GPC5: variants seen among roughly 807,000 people sequenced by gnomAD.
GPC5 encodes the protein glypican 5.
In GPC5, 47 loss-of-function variants were observed where a neutral mutation model predicts 53.9. The ratio of observed to expected loss-of-function variants is 0.87; its 90% CI spans 0.69 to 1.11. The LOEUF (loss-of-function observed/expected upper bound fraction) is 1.11, where lower values mean the gene tolerates loss of function less well. GPC5 is among the 50% of genes most tolerant of loss of function. The probability of loss-of-function intolerance (pLI) is 0.00; values close to 1 mark genes in which losing one functional copy is unlikely to be tolerated. For synonymous variants in GPC5, 286 were observed against 263.3 expected (o/e 1.09, Z -0.84); for missense variants, 748 against 713.1 (o/e 1.05, Z -0.56).
In GPC5 at chr13:92,666,205, T is replaced by C. The variant is rs544116685; in HGVS notation, c.1562-200077T>C. Among the ~76,000 whole-genome samples, 84 of 152,318 alleles carry C rather than the reference T, an allele frequency of 5.5e-4. 1 individual carries two copies. The highest frequency in any genetic ancestry group is 1.9e-3 in the African/African-American group (80 of 41,582). On this transcript the variant is annotated intron_variant, in intron 7 of 7. Transcript: ENST00000377067. ...CAGGGATGGATTTTCTTTTGTGATA[T>C]TGAATATATTAACAATGGATTTTTT...
intron 7 of GPC5, among the ~76,000 whole-genome samples, chr13:92,196,305 G>A (rs978870012): frequency 1.3e-5 from 2 of 152,050 alleles, no homozygotes; most frequent in Admixed American, 6.5e-5. Context: ...TAATTAGACA[G>A]ATTATGTTTT....
At chr13:91,832,896 G>C (rs1258310153) in intron 5 of GPC5, among the ~76,000 whole-genome samples, 1 of 152,002 alleles carries the variant, frequency 6.6e-6, no homozygotes, top group African/African-American at 2.4e-5. Context: ...TAAGATCAGA[G>C]CAGAACTGAA....
intron 7 of GPC5, among the ~76,000 whole-genome samples, chr13:92,434,062 A>G (rs1566588795): frequency 6.6e-6 from 1 of 152,224 alleles, no homozygotes; most frequent in Non-Finnish European, 1.5e-5. Context: ...TAGCACCACT[A>G]TGCTGTAGTC....
chr13:92,144,153 G>A (rs1228597003), intron 6 of GPC5, among the ~76,000 whole-genome samples: 1 of 152,164 alleles, frequency 6.6e-6, no homozygotes, highest in Admixed American at 6.5e-5. Flanking sequence ...CTCCTGTGCT[G>A]TAGGGGAAAA....
chr13:92,223,604 G>C (rs779728569), intron 7 of GPC5, among the ~76,000 whole-genome samples: 3 of 151,966 alleles, frequency 2.0e-5, no homozygotes, highest in Non-Finnish European at 4.4e-5. Context: ...GATATAAAAA[G>C]ATGAAACCTC....
At chr13:92,296,389 A>G (rs1268098097) in intron 7 of GPC5, among the ~76,000 whole-genome samples, 1 of 152,090 alleles carries the variant, frequency 6.6e-6, no homozygotes, top group Non-Finnish European at 1.5e-5. Context: ...AGAGCTAAGC[A>G]TGTCTGAGCT....
At chr13:92,752,987 C>A (rs886219227) in intron 7 of GPC5, among the ~76,000 whole-genome samples, 19 of 152,290 alleles carry the variant, frequency 1.2e-4, no homozygotes, top group Non-Finnish European at 2.2e-4. Flanking sequence ...TGGAGCCCAC[C>A]ACAGCTCAGG....
rs1184525035 is a variant in GPC5 at position 91,398,705 on chromosome 13, A to AGCG, written c.-339_-337dup. The stretch of plus-strand genomic sequence containing the variant: ...TGGCGGCAGTGGCGGCAGTGGCGGC[A>AGCG]GCGGCAGCAGTTGCAGCAGTGGTGG... On this transcript the variant is annotated 5_prime_UTR_variant, in exon 1 of 8. Transcript: ENST00000377067. The AGCG allele has an allele frequency of 7.6e-5, 19 of 249,598 alleles. No individual in the cohort carries two copies. Among genetic ancestry groups the AGCG allele is most frequent in the African/African-American group, 4.3e-4 (19 of 44,400 alleles). The allele number at this position is 249,598 out of a possible 1,614,324, so 15.5% of individuals were successfully genotyped here. A position where few individuals can be genotyped will look rare whatever the true frequency, so the allele number is the denominator to read the frequency against.
intron 2 of GPC5, among the ~76,000 whole-genome samples, chr13:91,487,664 A>G (rs990927472): frequency 2.1e-4 from 32 of 152,296 alleles, no homozygotes; most frequent in African/African-American, 6.5e-4. Context: ...TTCATGGACT[A>G]GCTTATTTTT....
intron 1 of GPC5, among the ~76,000 whole-genome samples, chr13:91,433,923 G>A (rs1044509767): frequency 2.8e-4 from 43 of 152,108 alleles, no homozygotes; most frequent in African/African-American, 9.9e-4. Flanking sequence ...TCTCATTGTG[G>A]TTTTGATTTG....
intron 7 of GPC5, among the ~76,000 whole-genome samples, chr13:92,472,188 T>C (rs1193557106): frequency 1.3e-5 from 2 of 152,140 alleles, no homozygotes; most frequent in Non-Finnish European, 2.9e-5. Context: ...ACTCCTTCTG[T>C]ATTTATTTTA....
intron 7 of GPC5, among the ~76,000 whole-genome samples, chr13:92,752,539 G>T (rs937812697): frequency 6.6e-6 from 1 of 152,124 alleles, no homozygotes; most frequent in Admixed American, 6.5e-5. Context: ...CGTGAGCGAC[G>T]CAGAAGACGG....
chr13:91,799,037 G>A (rs1361188737), intron 5 of GPC5, among the ~76,000 whole-genome samples: 1 of 152,008 alleles, frequency 6.6e-6, no homozygotes, highest in Non-Finnish European at 1.5e-5. Context: ...ACACTCATAT[G>A]TTCCTTACCG....
In GPC5 at chr13:92,394,859, T is replaced by G. The variant is rs12873205; in HGVS notation, c.1561+249870T>G. 9.4e-3 allele frequency among the ~76,000 whole-genome samples: 1,438 copies of G among 152,340 alleles called. 24 individuals carry two copies. The highest frequency in any genetic ancestry group is 0.045 in the Middle Eastern group (13 of 292). On this transcript the variant is annotated intron_variant, in intron 7 of 7. Coordinates refer to ENST00000377067, the MANE Select transcript of GPC5 (RefSeq NM_004466.6). ...TAGTTTATGGATATAATCTTAACTT[T>G]TTAACCCAAAGCTTTTCTTAACTCT...
intron 4 of GPC5, among the ~76,000 whole-genome samples, chr13:91,739,157 C>A (rs1829190207): frequency 6.6e-6 from 1 of 151,380 alleles, no homozygotes; most frequent in African/African-American, 2.5e-5. Context: ...TGACTGAGCC[C>A]TCATTAACTT....
intron 7 of GPC5, among the ~76,000 whole-genome samples, chr13:92,546,296 C>G (rs1319853094): frequency 6.6e-6 from 1 of 152,130 alleles, no homozygotes; most frequent in African/African-American, 2.4e-5. Flanking sequence ...TCTCCTCAAG[C>G]TGATAGGCAA....
intron 5 of GPC5, among the ~76,000 whole-genome samples, chr13:91,757,520 A>G (rs2037321285): frequency 2.0e-5 from 3 of 151,964 alleles, no homozygotes; most frequent in Admixed American, 2.0e-4. Flanking sequence ...GGTTTCCCCG[A>G]TCCTGTTCTT....
chr13:92,780,537 A>G (rs773644794), intron 7 of GPC5, among the ~76,000 whole-genome samples: 7 of 152,100 alleles, frequency 4.6e-5, no homozygotes, highest in Admixed American at 2.6e-4. Flanking sequence ...AAAAAACAGT[A>G]TCAATGATAA....
intron 7 of GPC5, among the ~76,000 whole-genome samples, chr13:92,774,222 G>T (rs1308734642): frequency 6.6e-6 from 1 of 152,114 alleles, no homozygotes; most frequent in Non-Finnish European, 1.5e-5. Flanking sequence ...ACTTTTTCCA[G>T]CCATATCTTC....
Sources: gnomAD v4.1 joint callset for allele counts (sites outside exome capture counted in the v4.1 genomes callset) on GRCh38, gnomAD v4.1.1 for gene constraint, MANE v1.5 for transcripts, NCBI Gene and HGNC (gene_info 2026-07-23, HGNC 2026-07-21) for gene names.